Variants in ANXA4 observed in about 807,000 individuals in gnomAD.
ANXA4 encodes the protein 35-beta calcimedin.
ANXA4 carries 39 observed loss-of-function variants against 49.8 expected under a neutral mutation model. The observed-to-expected ratio is 0.78, with a 90% CI of 0.61 to 1.02. The LOEUF is 1.02. ANXA4 is among the 50% of genes least tolerant of loss of function. The pLI, the probability that ANXA4 is intolerant of heterozygous loss-of-function variation, is 0.00. For synonymous variants in ANXA4, 134 were observed against 152.5 expected (o/e 0.88, Z 0.89); for missense variants, 360 against 410.1 (o/e 0.88, Z 1.05).
chr2:69,702,213 A>G (rs1410614982), intron 2 of ANXA4, among the ~76,000 whole-genome samples: 1 of 151,860 alleles, frequency 6.6e-6, no homozygotes. Context: ...AGGTTTTGCC[A>G]TGTTGGCCAG....
intron 2 of ANXA4, among the ~76,000 whole-genome samples, chr2:69,710,112 C>G (rs375489504): frequency 6.6e-6 from 1 of 151,770 alleles, no homozygotes; most frequent in African/African-American, 2.4e-5. Flanking sequence ...CTCAGCCTCC[C>G]GAGTAGCTGG....
At chr2:69,739,018 GT>G (rs1244308407), upstream of ANXA4, among the ~76,000 whole-genome samples, 1 of 152,178 alleles carries the variant, frequency 6.6e-6, no homozygotes, top group Non-Finnish European at 1.5e-5. Context: ...TACATCTGAT[GT>G]CCCCATTCCA....
intron 2 of ANXA4, among the ~76,000 whole-genome samples, chr2:69,715,801 A>G (rs1470288845): frequency 6.6e-6 from 1 of 152,238 alleles, no homozygotes; most frequent in Non-Finnish European, 1.5e-5. Context: ...GGGAGGGGTA[A>G]GAAGGAGACA....
At chr2:69,716,574 G>A (rs915492207) in intron 2 of ANXA4, among the ~76,000 whole-genome samples, 1 of 152,072 alleles carries the variant, frequency 6.6e-6, no homozygotes, top group Non-Finnish European at 1.5e-5. Flanking sequence ...GCGACAGGGA[G>A]CCCCCAAAGG....
At chr2:69,734,264 T>A (rs2105452306) in intron 3 of ANXA4, among the ~76,000 whole-genome samples, 1 of 152,322 alleles carries the variant, frequency 6.6e-6, no homozygotes, top group East Asian at 1.9e-4. Flanking sequence ...GAGACTACCA[T>A]TGCCAATATT....
At chr2:69,662,438 T>G (rs2105326035) in intron 2 of ANXA4, among the ~76,000 whole-genome samples, 1 of 149,962 alleles carries the variant, frequency 6.7e-6, no homozygotes, top group East Asian at 2.0e-4. Context: ...CATCCCTGAG[T>G]GGGGAGGGGT....
chr2:69,753,007 C>G (rs958479128), intron 1 of ANXA4, among the ~76,000 whole-genome samples: 3 of 152,172 alleles, frequency 2.0e-5, no homozygotes, highest in East Asian at 3.8e-4. Flanking sequence ...TTATTCAAAG[C>G]CTAAGTCACG....
At chr2:69,649,648 A>G (rs1298781574) in intron 1 of ANXA4, among the ~76,000 whole-genome samples, 2 of 115,472 alleles carry the variant, frequency 1.7e-5, no homozygotes, top group Non-Finnish European at 3.3e-5. Flanking sequence ...GTCTCGCCCT[A>G]CCGCCCAGGC....
At chr2:69,797,161 G>A (rs546369590) in intron 3 of ANXA4, among the ~76,000 whole-genome samples, 2 of 152,198 alleles carry the variant, frequency 1.3e-5, no homozygotes, top group South Asian at 2.1e-4. Flanking sequence ...GAGGAGTGCC[G>A]GCTGAAGATG....
In ANXA4 at chr2:69,751,507, CAAAA is replaced by C. The variant is rs71397349; in HGVS notation, c.-47+9350_-47+9353del. 3.4e-3 allele frequency among the ~76,000 whole-genome samples: 333 copies of C among 96,836 alleles called. 6 individuals carry two copies. The highest frequency in any genetic ancestry group is 0.012 in the Admixed American group (101 of 8,722). The allele number at this position is 96,836 out of a possible 152,430, so 63.5% of individuals were successfully genotyped here. A position where few individuals can be genotyped will look rare whatever the true frequency, so the allele number is the denominator to read the frequency against. ...TGGATGACAGAGTGAGACCCTGTCT[CAAAA>C]AAAAAAAAAAAAAAAAATACAAAGT... is the stretch of plus-strand genomic sequence containing the variant. On this transcript the variant is annotated intron_variant, in intron 1 of 12. Coordinates refer to ENST00000394295, the MANE Select transcript of ANXA4 (RefSeq NM_001153.5).
At chr2:69,740,093 GCAGTGAC>G (rs1209187320), upstream of ANXA4, among the ~76,000 whole-genome samples, 1 of 152,188 alleles carries the variant, frequency 6.6e-6, no homozygotes, top group Admixed American at 6.5e-5. Flanking sequence ...CAATGAAGGG[GCAGTGAC>G]CTGGGGCTGG....
intron 2 of ANXA4, among the ~76,000 whole-genome samples, chr2:69,673,696 ACACACAC>A (rs1677285740): frequency 6.7e-6 from 1 of 149,998 alleles, no homozygotes; most frequent in African/African-American, 2.5e-5. Context: ...AGACACACAC[ACACACAC>A]ACACACACAC....
At chr2:69,740,288 C>T (rs1670350766), upstream of ANXA4, among the ~76,000 whole-genome samples, 1 of 152,114 alleles carries the variant, frequency 6.6e-6, no homozygotes, top group South Asian at 2.1e-4. Context: ...AAGCAACCAC[C>T]TGGGCCTCCC....
chr2:69,722,543 C>CAAA (rs1669842177), intron 3 of ANXA4, among the ~76,000 whole-genome samples: 1 of 151,362 alleles, frequency 6.6e-6, no homozygotes, highest in Non-Finnish European at 1.5e-5. Flanking sequence ...TATGATTCTA[C>CAAA]TTGTATAAAA....
intron 2 of ANXA4, among the ~76,000 whole-genome samples, chr2:69,705,729 C>T (rs553933487): frequency 1.4e-4 from 21 of 152,230 alleles, no homozygotes; most frequent in Admixed American, 3.9e-4. Context: ...GTCAGGAGTT[C>T]GAGACCAGCC....
In ANXA4 at chr2:69,733,832, G is replaced by A. The variant is rs1670170338; in HGVS notation, n.864+12961G>A. On this transcript the variant is annotated intron_variant and non_coding_transcript_variant, in intron 3 of 3. Transcript: ENST00000418066. ...AAATACTTTCTTCTTTGACCTCTTA[G>A]GTGTTATGTTTTTTATGTTCCCGAA... Among the ~76,000 whole-genome samples the A allele has an allele frequency of 2.0e-5, 3 of 151,940 alleles. No homozygotes were observed. The South Asian group carries it at 6.2e-4, about 31-fold the overall frequency.
At chr2:69,813,493 C>T (rs1240912494) in intron 8 of ANXA4, among the ~76,000 whole-genome samples, 1 of 152,100 alleles carries the variant, frequency 6.6e-6, no homozygotes, top group South Asian at 2.1e-4. Flanking sequence ...TCTGGTGATC[C>T]GCCTGCCTTG....
Position 69,816,160 on chromosome 2 carries a change from T to G in ANXA4, c.594T>G (p.Val198=). ...WGTDEVKFLT[V]LCSRNRNHLL... ...CAGATGAGGTGAAATTTCTAACTGT[T>G]CTCTGTTCCCGGAACCGAAATCACC... The change falls in exon 9 of 13, where the codon GTT becomes GTG. Residue 198 remains valine, a synonymous_variant. Coordinates refer to ENST00000394295, the MANE Select transcript of ANXA4 (RefSeq NM_001153.5). The G allele has an allele frequency of 1.2e-6, 2 of 1,614,076 alleles. No individual in the cohort carries two copies. The highest frequency in any genetic ancestry group is 1.7e-6 in the Non-Finnish European group (2 of 1,179,974).
At chr2:69,750,077 G>A (rs1288240661) in intron 1 of ANXA4, among the ~76,000 whole-genome samples, 2 of 151,986 alleles carry the variant, frequency 1.3e-5, no homozygotes, top group Non-Finnish European at 2.9e-5. Flanking sequence ...GTACTTATTT[G>A]TACTATTTGA....
Sources: gnomAD v4.1 joint callset for allele counts (sites outside exome capture counted in the v4.1 genomes callset) on GRCh38, gnomAD v4.1.1 for gene constraint, MANE v1.5 for transcripts, NCBI Gene and HGNC (gene_info 2026-07-23, HGNC 2026-07-21) for gene names.